Variants in LRGUK observed in about 807,000 individuals in gnomAD.
LRGUK encodes leucine-rich repeat and guanylate kinase domain-containing protein.
Under a neutral mutation model 76.0 loss-of-function variants are expected in LRGUK, and 65 were observed. The ratio of observed to expected loss-of-function variants is 0.85; its 90% CI spans 0.70 to 1.05. LRGUK has a LOEUF of 1.05. LRGUK is among the 50% of genes least tolerant of loss of function. LRGUK has a pLI of 0.00. For synonymous variants in LRGUK, 268 were observed against 265.6 expected (o/e 1.01, Z -0.09); for missense variants, 758 against 732.8 (o/e 1.03, Z -0.40).
chr7:134,185,060 G>A (rs1273115058), intron 11 of LRGUK, among the ~76,000 whole-genome samples: 1 of 152,178 alleles, frequency 6.6e-6, no homozygotes, highest in Non-Finnish European at 1.5e-5. Context: ...AGGAGAAGGG[G>A]CAGCAAGTTT....
intron 4 of LRGUK, among the ~76,000 whole-genome samples, chr7:134,146,931 T>G (rs1797993950): frequency 6.6e-6 from 1 of 150,528 alleles, no homozygotes; most frequent in Non-Finnish European, 1.5e-5. Context: ...AAAACTTGAG[T>G]TTTTCTTTCC....
At chr7:134,255,393 G>A (rs186865901) in intron 18 of LRGUK, among the ~76,000 whole-genome samples, 2 of 152,212 alleles carry the variant, frequency 1.3e-5, no homozygotes, top group Non-Finnish European at 2.9e-5. Context: ...GCTGAGGTCT[G>A]AACCAAAGCC....
Position 134,184,293 on chromosome 7 carries a change from G to A in LRGUK, c.1334+440G>A, listed in dbSNP as rs186339302. On this transcript the variant is annotated intron_variant, in intron 11 of 15. Coordinates refer to ENST00000645682, the Ensembl canonical transcript of LRGUK. ...TTTTTTTCTTTTTTTTTTTTGATAC[G>A]GAATCTGGCTCTGTCACCCAGACTG... 2.7e-5 allele frequency among the ~76,000 whole-genome samples: 4 copies of A among 149,046 alleles called. No homozygotes were observed. In the East Asian group the frequency reaches 5.9e-4, roughly 22 times the overall value.
chr7:134,157,978 T>C, intron 5 of LRGUK, 57 bp from the exon 6 acceptor site: 1 of 1,536,800 alleles, frequency 6.5e-7, no homozygotes, highest in African/African-American at 1.4e-5. Flanking sequence ...CACTGATTCT[T>C]TTTTTCTTCC....
chr7:134,162,826 C>CA (rs11445116), intron 6 of LRGUK, among the ~76,000 whole-genome samples: 32,881 of 61,140 alleles, frequency 0.54, 8,973 homozygotes, highest in Non-Finnish European at 0.56. Context: ...GACTCCTTCT[C>CA]AAAAAAAAAA....
chr7:134,136,890 G>A (rs1251900828), intron 1 of LRGUK, 133 bp from the exon 2 acceptor site: 1 of 642,988 alleles, frequency 1.6e-6, no homozygotes, highest in Non-Finnish European at 2.7e-6. Flanking sequence ...GAATTTTTTT[G>A]GGGGTTGGTA....
intron 8 of LRGUK, among the ~76,000 whole-genome samples, 192 bp downstream of exon 8, chr7:134,174,828 A>G (rs78088542): frequency 0.15 from 22,590 of 152,118 alleles, 2,346 homozygotes; most frequent in East Asian, 0.38. Context: ...TTTAAGACAT[A>G]AGATCTTCTC....
At chr7:134,135,741 T>C (rs545488179) in intron 1 of LRGUK, among the ~76,000 whole-genome samples, 2 of 152,292 alleles carry the variant, frequency 1.3e-5, no homozygotes, top group East Asian at 1.9e-4. Flanking sequence ...CTGCAAGCTC[T>C]GCCTCCTGGG....
intron 16 of LRGUK, among the ~76,000 whole-genome samples, chr7:134,223,888 C>T (rs1378433833): frequency 1.3e-5 from 2 of 152,172 alleles, no homozygotes; most frequent in Admixed American, 6.5e-5. Flanking sequence ...TCCCAAAGTG[C>T]TGGAATTACA....
intron 8 of LRGUK, among the ~76,000 whole-genome samples, chr7:134,175,727 T>G (rs1423840635): frequency 6.6e-6 from 1 of 152,186 alleles, no homozygotes; most frequent in Non-Finnish European, 1.5e-5. Flanking sequence ...TGCACCAACC[T>G]AATATATAAC....
At chr7:134,268,016 A>T (rs1368263243), downstream of LRGUK, among the ~76,000 whole-genome samples, 4 of 152,240 alleles carry the variant, frequency 2.6e-5, no homozygotes, top group Non-Finnish European at 1.5e-5. Flanking sequence ...AGGGAAATTT[A>T]TACCACTAAA....
At chr7:134,129,815 G>A (rs1281056521) in intron 1 of LRGUK, among the ~76,000 whole-genome samples, 2 of 151,958 alleles carry the variant, frequency 1.3e-5, no homozygotes, top group African/African-American at 4.8e-5. Flanking sequence ...TATTCTTCTG[G>A]TTTCCCCTCT....
chr7:134,221,708 A>T, intron 15 of LRGUK, 71 bp from the exon 16 acceptor site: 1 of 1,246,002 alleles, frequency 8.0e-7, no homozygotes, highest in Non-Finnish European at 1.1e-6. Context: ...ATAAAAATAT[A>T]AAACATTTCT....
At chr7:134,270,549 G>A in the LRGUK span, among the ~76,000 whole-genome samples, 1 of 151,964 alleles carries the variant, frequency 6.6e-6, no homozygotes, top group Admixed American at 6.6e-5. Flanking sequence ...TCCTTCCCAT[G>A]AATTTTTTAC....
At chr7:134,215,169 G>A (rs1801403725), downstream of LRGUK, among the ~76,000 whole-genome samples, 1 of 151,424 alleles carries the variant, frequency 6.6e-6, no homozygotes, top group African/African-American at 2.4e-5. Flanking sequence ...ATAATTAGAA[G>A]TATACATGTT....
chr7:134,171,140 T>C (rs962494519), intron 7 of LRGUK, among the ~76,000 whole-genome samples: 3 of 152,212 alleles, frequency 2.0e-5, no homozygotes, highest in Middle Eastern at 6.8e-3. Context: ...GCAATCTTTT[T>C]TTTTTTTTCT....
At chr7:134,248,480 C>T (rs1802366177) in intron 17 of LRGUK, among the ~76,000 whole-genome samples, 1 of 152,122 alleles carries the variant, frequency 6.6e-6, no homozygotes, top group African/African-American at 2.4e-5. Context: ...GACTTGCATA[C>T]AGCACATATG....
At chr7:134,214,797 C>T (rs1801392693), downstream of LRGUK, among the ~76,000 whole-genome samples, 2 of 151,890 alleles carry the variant, frequency 1.3e-5, no homozygotes, top group Non-Finnish European at 1.5e-5. Context: ...CACACACACA[C>T]ACACACACAC....
intron 4 of LRGUK, among the ~76,000 whole-genome samples, chr7:134,144,147 C>T (rs1339140019): frequency 6.6e-6 from 1 of 152,166 alleles, no homozygotes; most frequent in Non-Finnish European, 1.5e-5. Flanking sequence ...ACAACTTCAG[C>T]CTCCTGGGCT....
Sources: gnomAD v4.1 joint callset for allele counts (sites outside exome capture counted in the v4.1 genomes callset) on GRCh38, gnomAD v4.1.1 for gene constraint, MANE v1.5 for transcripts, NCBI Gene and HGNC (gene_info 2026-07-23, HGNC 2026-07-21) for gene names.